NEDD4L: variants seen among roughly 807,000 people sequenced by gnomAD.
NEDD4L encodes the protein E3 ubiquitin-protein ligase NEDD4-like.
A neutral mutation model predicts 148.9 loss-of-function variants in NEDD4L; 54 were observed. That is an observed-to-expected ratio of 0.36 (90% confidence interval 0.29 to 0.45). NEDD4L has a LOEUF of 0.45. NEDD4L is among the 20% of genes least tolerant of loss of function. The probability of loss-of-function intolerance (pLI) is 1.00; values close to 1 mark genes in which losing one functional copy is unlikely to be tolerated. For synonymous variants in NEDD4L, 433 were observed against 440.7 expected, an observed-to-expected ratio of 0.98 and a Z score of 0.22; for missense variants, 856 against 1,233.8, an observed-to-expected ratio of 0.69 and a Z score of 4.59.
chr18:58,284,573 A>G (rs942260682), intron 5 of NEDD4L, among the ~76,000 whole-genome samples: 1 of 151,466 alleles, frequency 6.6e-6, no homozygotes, highest in Admixed American at 6.6e-5. Context: ...TACGAATAGA[A>G]GTAACTTCTG....
chr18:58,281,308 CTT>C (rs113081403), intron 5 of NEDD4L, among the ~76,000 whole-genome samples: 2,625 of 146,302 alleles, frequency 0.018, 67 homozygotes, highest in African/African-American at 0.051. Context: ...AGTCTCTCTC[CTT>C]TTTTTTTTTT....
intron 26 of NEDD4L, among the ~76,000 whole-genome samples, chr18:58,386,472 C>A (rs7235554): frequency 0.45 from 68,174 of 151,932 alleles, 16,560 homozygotes; most frequent in East Asian, 0.6. Flanking sequence ...TATTTTATAC[C>A]CAGCCACCTC....
intron 5 of NEDD4L, among the ~76,000 whole-genome samples, chr18:58,315,367 C>A (rs74448991): frequency 6.6e-6 from 1 of 151,688 alleles, no homozygotes; most frequent in African/African-American, 2.4e-5. Flanking sequence ...GGGAGAGATA[C>A]GTGCAGTATG....
intron 1 of NEDD4L, among the ~76,000 whole-genome samples, chr18:58,129,493 C>T (rs2031696948): frequency 6.6e-6 from 1 of 152,178 alleles, no homozygotes; most frequent in Non-Finnish European, 1.5e-5. Flanking sequence ...AAATAGAGCA[C>T]CCAACTTGGT....
intron 24 of NEDD4L, among the ~76,000 whole-genome samples, chr18:58,379,903 A>T (rs2048111454): frequency 6.6e-6 from 1 of 151,670 alleles, no homozygotes; most frequent in Non-Finnish European, 1.5e-5. Flanking sequence ...GAGCAGAATT[A>T]CAAACCCCTC....
chr18:58,107,965 C>G (rs1355160118), intron 1 of NEDD4L, among the ~76,000 whole-genome samples: 1 of 152,164 alleles, frequency 6.6e-6, no homozygotes, highest in African/African-American at 2.4e-5. Context: ...AGCAATCCTC[C>G]TGCCTTAGCC....
intron 5 of NEDD4L, among the ~76,000 whole-genome samples, chr18:58,311,574 C>A (rs932392339): frequency 6.6e-6 from 1 of 152,190 alleles, no homozygotes; most frequent in Non-Finnish European, 1.5e-5. Context: ...GTGAAGTTCA[C>A]TGTGCACCCA....
chr18:58,275,390 C>A (rs939606514), intron 5 of NEDD4L, among the ~76,000 whole-genome samples: 8 of 152,102 alleles, frequency 5.3e-5, no homozygotes, highest in Non-Finnish European at 1.0e-4. Context: ...GCAGCTCAAA[C>A]CCATCTTGTT....
rs545272676 is a variant in NEDD4L at position 58,349,411 on chromosome 18, C to T, written c.1576-126C>T. 4.3e-6 allele frequency: 3 copies of T among 696,010 alleles called. No homozygotes were observed. The East Asian group carries it at 7.9e-5, about 18-fold the overall frequency. The allele number at this position is 696,010 out of a possible 1,614,324, so 43.1% of individuals were successfully genotyped here. A position where few individuals can be genotyped will look rare whatever the true frequency, so the allele number is the denominator to read the frequency against. On this transcript the variant is annotated intron_variant, in intron 16 of 30. Transcript: ENST00000400345. ...TCCTGTACAAAACAGAGATGGGACC[C>T]ATCTCACGCTCCAGGCATGGACAGC...
chr18:58,274,548 T>G lies in NEDD4L; in HGVS notation c.297+22494T>G, dbSNP rs527512954. On this transcript the variant is annotated intron_variant, in intron 5 of 30. Transcript: ENST00000400345. ...AGTGCCCCCAAGGGAGTTGAAAGAG[T>G]GGGTATTTTGTTGTCAGGAGTAGAA... is the stretch of plus-strand genomic sequence containing the variant. Among the ~76,000 whole-genome samples, 4 of 151,746 alleles carry G rather than the reference T, an allele frequency of 2.6e-5. No individual in the cohort carries two copies. In the East Asian group the frequency reaches 7.8e-4, roughly 29 times the overall value.
rs933440508 is a variant in NEDD4L at position 58,396,607 on chromosome 18, A to G, written c.*338A>G. ...CAATGAATGGAATTAATCACTCAAC[A>G]GGTATAGTATTACGACTCATGTTTA... On this transcript the variant is annotated 3_prime_UTR_variant, in exon 31 of 31. Coordinates refer to ENST00000400345, the MANE Select transcript of NEDD4L (RefSeq NM_001144967.3). 2 of 188,478 alleles carry G rather than the reference A, an allele frequency of 1.1e-5. No homozygotes were observed. The highest frequency in any genetic ancestry group is 5.7e-5 in the Admixed American group (1 of 17,636). 11.7% of individuals were successfully genotyped at this position (188,478 alleles called of 1,614,324 possible). A position where few individuals can be genotyped will look rare whatever the true frequency, so the allele number is the denominator to read the frequency against.
At chr18:58,119,255 G>A (rs950439570) in intron 1 of NEDD4L, among the ~76,000 whole-genome samples, 1 of 152,112 alleles carries the variant, frequency 6.6e-6, no homozygotes, top group South Asian at 2.1e-4. Flanking sequence ...GCCTGGGAGG[G>A]CTTTGCCAAA....
chr18:58,253,179 G>A (rs1262740654), intron 5 of NEDD4L, among the ~76,000 whole-genome samples: 2 of 152,120 alleles, frequency 1.3e-5, no homozygotes, highest in Non-Finnish European at 2.9e-5. Flanking sequence ...TGAATTGGAG[G>A]AGCCTTATAC....
chr18:58,354,271 A>C (rs1379066148), intron 18 of NEDD4L, among the ~76,000 whole-genome samples: 2 of 152,192 alleles, frequency 1.3e-5, no homozygotes, highest in Non-Finnish European at 2.9e-5. Flanking sequence ...TTAGAAGAGA[A>C]AATTGAATTC....
chr18:58,328,990 C>G lies in NEDD4L; in HGVS notation c.681-5C>G, dbSNP rs2059562439. ...CTTCTCTTTCCCCCTTTCCTGCATGCTCAGGGACGTGTCCTCGGAGTCGGA... is the reference window on the plus strand; with the variant it reads ...CTTCTCTTTCCCCCTTTCCTGCATGGTCAGGGACGTGTCCTCGGAGTCGGA... On this transcript the variant is annotated splice_polypyrimidine_tract_variant and splice_region_variant and intron_variant, in intron 9 of 30. Transcript: ENST00000400345. 2 of 1,613,862 alleles carry G rather than the reference C, an allele frequency of 1.2e-6. No individual in the cohort carries two copies. The highest frequency in any genetic ancestry group is 2.7e-5 in the African/African-American group (2 of 74,932).
intron 1 of NEDD4L, among the ~76,000 whole-genome samples, chr18:58,137,831 T>A (rs949616860): frequency 6.6e-6 from 1 of 152,156 alleles, no homozygotes; most frequent in African/African-American, 2.4e-5. Context: ...GTAAGCTGGG[T>A]GGTTTATATA....
At chr18:58,278,608 A>AC (rs2052519510) in intron 5 of NEDD4L, among the ~76,000 whole-genome samples, 3 of 152,162 alleles carry the variant, frequency 2.0e-5, no homozygotes, top group Non-Finnish European at 1.5e-5. Flanking sequence ...ACACTCCATG[A>AC]CACTGGGCCC....
At chr18:58,313,419 G>A (rs900947001) in intron 5 of NEDD4L, among the ~76,000 whole-genome samples, 2 of 152,166 alleles carry the variant, frequency 1.3e-5, no homozygotes, top group Non-Finnish European at 2.9e-5. Flanking sequence ...TAGCAAATAA[G>A]CATTTTACCA....
chr18:58,356,953 G>C (rs2044749478), intron 18 of NEDD4L, among the ~76,000 whole-genome samples: 1 of 152,016 alleles, frequency 6.6e-6, no homozygotes, highest in Non-Finnish European at 1.5e-5. Flanking sequence ...ATGAATAGAT[G>C]GTTTATCTTT....
Sources: gnomAD v4.1 joint callset for allele counts (sites outside exome capture counted in the v4.1 genomes callset) on GRCh38, gnomAD v4.1.1 for gene constraint, MANE v1.5 for transcripts, NCBI Gene and HGNC (gene_info 2026-07-23, HGNC 2026-07-21) for gene names.